The following SLC25A16 variants were observed in gnomAD, a reference collection of about 807,000 sequenced individuals.
The protein encoded by SLC25A16 is mitochondrial coenzyme A transporter SLC25A16.
In SLC25A16, 39 loss-of-function variants were observed where a neutral mutation model predicts 41.5. That is an observed-to-expected ratio of 0.94 (90% CI 0.73 to 1.23). The LOEUF (loss-of-function observed/expected upper bound fraction) is 1.23. SLC25A16 is among the 50% of genes most tolerant of loss of function. SLC25A16 has a pLI of 0.00. For synonymous variants in SLC25A16, 146 were observed against 147.8 expected (o/e 0.99, Z 0.09); for missense variants, 421 against 426.9 (o/e 0.99, Z 0.12).
At chr10:68,494,632 T>G (rs1472864682) in intron 4 of SLC25A16, among the ~76,000 whole-genome samples, 2 of 148,850 alleles carry the variant, frequency 1.3e-5, no homozygotes, top group African/African-American at 4.9e-5. Context: ...GTCCCAACAC[T>G]TTGGGAGGCT....
intron 4 of SLC25A16, chr10:68,503,043 G>A (rs1431111810): frequency 6.6e-6 from 1 of 152,122 alleles, no homozygotes; most frequent in Non-Finnish European, 1.5e-5. Context: ...GCTAATCATG[G>A]TTGTCTCTAG....
At chr10:68,508,764 C>A (rs1230911494) in intron 2 of SLC25A16, among the ~76,000 whole-genome samples, 2 of 151,812 alleles carry the variant, frequency 1.3e-5, no homozygotes, top group Non-Finnish European at 1.5e-5. Context: ...TGGAAGCGGA[C>A]ACAAAGGTTA....
intron 8 of SLC25A16, among the ~76,000 whole-genome samples, chr10:68,484,082 A>C (rs772219194): frequency 2.0e-4 from 31 of 152,216 alleles, no homozygotes; most frequent in Admixed American, 1.4e-3. Context: ...AACAAGTACA[A>C]GCATTATGCA....
chr10:68,509,577 G>A (rs1316670087), intron 2 of SLC25A16, among the ~76,000 whole-genome samples: 1 of 151,292 alleles, frequency 6.6e-6, no homozygotes, highest in Non-Finnish European at 1.5e-5. Flanking sequence ...TTAGCTCTGC[G>A]TGGTGGCGCT....
intron 1 of SLC25A16, among the ~76,000 whole-genome samples, chr10:68,518,732 C>T (rs2053201024): frequency 6.6e-6 from 1 of 151,326 alleles, no homozygotes; most frequent in Non-Finnish European, 1.5e-5. Flanking sequence ...CGAGATCGCA[C>T]CACTGCACTC....
chr10:68,501,310 G>C (rs2052841046), intron 4 of SLC25A16, among the ~76,000 whole-genome samples: 1 of 151,996 alleles, frequency 6.6e-6, no homozygotes, highest in South Asian at 2.1e-4. Context: ...TTCTCACATT[G>C]CTCTTCTGTA....
chr10:68,496,710 C>T (rs967133624), intron 4 of SLC25A16: 2 of 941,558 alleles, frequency 2.1e-6, no homozygotes, highest in African/African-American at 3.6e-5. Context: ...TATGGGAAAC[C>T]TGAGAACATA....
At chr10:68,492,982 C>T (rs1354514981) in intron 6 of SLC25A16, 150 bp downstream of exon 6, 2 of 602,206 alleles carry the variant, frequency 3.3e-6, no homozygotes, top group Non-Finnish European at 5.8e-6. Flanking sequence ...TCTTTATATC[C>T]AAGATATTAT....
intron 1 of SLC25A16, among the ~76,000 whole-genome samples, chr10:68,524,497 C>T (rs562341324): frequency 6.6e-6 from 1 of 151,464 alleles, no homozygotes; most frequent in African/African-American, 2.4e-5. Context: ...GCTGAGATGG[C>T]ACTAATGCAC....
chr10:68,518,523 C>T (rs1026758983), intron 1 of SLC25A16, among the ~76,000 whole-genome samples: 1 of 151,944 alleles, frequency 6.6e-6, no homozygotes, highest in African/African-American at 2.4e-5. Context: ...TGCCTGTAAT[C>T]GCAGCACTTT....
intron 1 of SLC25A16, among the ~76,000 whole-genome samples, chr10:68,523,798 C>T (rs1411927998): frequency 6.6e-6 from 1 of 152,038 alleles, no homozygotes; most frequent in Non-Finnish European, 1.5e-5. Context: ...ATCAGCAGAA[C>T]AAAATAATTA....
chr10:68,522,756 A>C (rs1479279631), intron 1 of SLC25A16, among the ~76,000 whole-genome samples: 1 of 144,948 alleles, frequency 6.9e-6, no homozygotes, highest in Non-Finnish European at 1.5e-5. Flanking sequence ...TGGAGGTTGT[A>C]GTGAGCCAAG....
chr10:68,485,526 G>C (rs1404654252), intron 8 of SLC25A16, among the ~76,000 whole-genome samples: 1 of 151,510 alleles, frequency 6.6e-6, no homozygotes, highest in Non-Finnish European at 1.5e-5. Context: ...TGGTATGACA[G>C]GCACCTGCCA....
At position 68,482,451 on chromosome 10, in the gene SLC25A16, G is replaced by T. The variant is rs910266619; in HGVS notation, c.*981C>A. ...TGCACTAAAATTATTTTACATGGAA[G>T]AACTAGTTGATGCATCATAATACCT... On this transcript the variant is annotated 3_prime_UTR_variant, in exon 9 of 9. Coordinates refer to ENST00000609923, the MANE Select transcript of SLC25A16 (RefSeq NM_152707.4). 2.0e-5 allele frequency: 3 copies of T among 152,472 alleles called. No homozygotes were observed. The highest frequency in any genetic ancestry group is 4.8e-5 in the African/African-American group (2 of 41,400). 9.4% of individuals were successfully genotyped at this position (152,472 alleles called of 1,614,324 possible). A position where few individuals can be genotyped will look rare whatever the true frequency, so the allele number is the denominator to read the frequency against.
At chr10:68,515,138 C>A (rs1590122822) in intron 2 of SLC25A16, among the ~76,000 whole-genome samples, 2 of 150,388 alleles carry the variant, frequency 1.3e-5, no homozygotes, top group East Asian at 4.1e-4. Flanking sequence ...AGGCAGATCA[C>A]CTGAGGTCGG....
At chr10:68,523,839 C>T (rs1462458261) in intron 1 of SLC25A16, among the ~76,000 whole-genome samples, 1 of 152,144 alleles carries the variant, frequency 6.6e-6, no homozygotes, top group African/African-American at 2.4e-5. Flanking sequence ...TGGCTTATGC[C>T]TTTAATCCCA....
At chr10:68,495,604 T>A (rs1564914515) in intron 4 of SLC25A16, among the ~76,000 whole-genome samples, 1 of 151,632 alleles carries the variant, frequency 6.6e-6, no homozygotes, top group African/African-American at 2.4e-5. Flanking sequence ...GGCAACACAG[T>A]GAAACCCTGT....
At position 68,478,408 on chromosome 10, in the gene SLC25A16, A is replaced by G. The variant is rs2052451117; in HGVS notation, c.*5024T>C. On this transcript the variant is annotated 3_prime_UTR_variant, in exon 9 of 9. Coordinates refer to ENST00000609923, the MANE Select transcript of SLC25A16 (RefSeq NM_152707.4). ...AAAGAATAGATGCGAGGAACTATGT[A>G]AAGTGTATGCTTGCTATACAAGTGT... 6.6e-6 allele frequency: 1 copy of G among 152,222 alleles called. No homozygotes were observed. Among genetic ancestry groups the G allele is most frequent in the African/African-American group, 2.4e-5 (1 of 41,456 alleles). 9.4% of individuals were successfully genotyped at this position (152,222 alleles called of 1,614,324 possible).
intron 1 of SLC25A16, among the ~76,000 whole-genome samples, chr10:68,522,794 AAC>A (rs2053269475): frequency 6.9e-6 from 1 of 144,764 alleles, no homozygotes; most frequent in Non-Finnish European, 1.5e-5. Flanking sequence ...TAGCCTAGGC[AAC>A]AGAGTGAGAT....
Sources: gnomAD v4.1 joint callset for allele counts (sites outside exome capture counted in the v4.1 genomes callset) on GRCh38, gnomAD v4.1.1 for gene constraint, MANE v1.5 for transcripts, NCBI Gene and HGNC (gene_info 2026-07-23, HGNC 2026-07-21) for gene names.